Variants in REV1 observed in about 807,000 individuals in gnomAD.
The protein encoded by REV1 is REV1 DNA directed polymerase, also known as translesion synthesis protein REV1.
Under a neutral mutation model 137.4 loss-of-function variants are expected in REV1, and 42 were observed. The observed-to-expected ratio is 0.31, with a 90% CI of 0.24 to 0.40. REV1 has a LOEUF of 0.40. Ranked by LOEUF, REV1 falls within the 10% of genes least tolerant of loss-of-function variation. REV1 has a pLI of 1.00. For missense variants in REV1, 1,282 were observed against 1,490.1 expected (o/e 0.86, Z 2.30); for synonymous variants, 524 against 519.2 (o/e 1.01, Z -0.12).
chr2:99,425,973 T>G (rs1247811930), intron 9 of REV1, among the ~76,000 whole-genome samples: 1 of 151,276 alleles, frequency 6.6e-6, no homozygotes, highest in Non-Finnish European at 1.5e-5. Flanking sequence ...AGGGTGGAGG[T>G]TGCAGTGAGC....
Position 99,434,463 on chromosome 2 carries a change from T to C in REV1, c.1322-15A>G. 2.6e-6 allele frequency: 4 copies of C among 1,559,920 alleles called. No individual in the cohort carries two copies. Among genetic ancestry groups the C allele is most frequent in the African/African-American group, 1.4e-5 (1 of 72,936 alleles). On this transcript the variant is annotated splice_polypyrimidine_tract_variant and intron_variant, in intron 7 of 22. Coordinates refer to ENST00000258428, the MANE Select transcript of REV1 (RefSeq NM_016316.4). Reference sequence around the variant, plus strand: ...CACTGGTTTTCCTGTGAGGAAAATATTAAATTATTTCTGTATGTGGTACAG... The same window carrying C: ...CACTGGTTTTCCTGTGAGGAAAATACTAAATTATTTCTGTATGTGGTACAG...
chr2:99,481,855 T>TA (rs1686644509), intron 1 of REV1, among the ~76,000 whole-genome samples: 2 of 152,196 alleles, frequency 1.3e-5, no homozygotes, highest in South Asian at 4.1e-4. Flanking sequence ...ACCCCGTCCC[T>TA]AAAAAAACAA....
Position 99,416,692 on chromosome 2 carries a change from C to T in REV1, c.1951+2136G>A, listed in dbSNP as rs780930698. Among the ~76,000 whole-genome samples, 5 of 151,954 alleles carry T rather than the reference C, an allele frequency of 3.3e-5. No individual in the cohort carries two copies. The East Asian group carries it at 7.8e-4, about 24-fold the overall frequency. On this transcript the variant is annotated intron_variant, in intron 12 of 22. Transcript: ENST00000258428. Reference sequence around the variant, plus strand: ...CTATAATCCCAGCACTTTGGGAGGCCGAGGCGGGCGGATCATGAGGTCAGG... The same window carrying T: ...CTATAATCCCAGCACTTTGGGAGGCTGAGGCGGGCGGATCATGAGGTCAGG...
intron 12 of REV1, among the ~76,000 whole-genome samples, chr2:99,417,332 C>G (rs6714650): frequency 0.26 from 39,350 of 151,848 alleles, 5,253 homozygotes; most frequent in Admixed American, 0.34. Context: ...CTAGTAGAGA[C>G]AGGGTTTCAC....
chr2:99,432,485 T>G (rs1429708867), intron 8 of REV1, among the ~76,000 whole-genome samples: 1 of 152,204 alleles, frequency 6.6e-6, no homozygotes, highest in Non-Finnish European at 1.5e-5. Flanking sequence ...AAAAAAGTTC[T>G]GAGCACAAGC....
chr2:99,422,181 T>C (rs1678771528), intron 10 of REV1, among the ~76,000 whole-genome samples: 1 of 152,206 alleles, frequency 6.6e-6, no homozygotes, highest in Non-Finnish European at 1.5e-5. Context: ...TGGCCAGTCA[T>C]CCCAACTGCT....
Position 99,404,551 on chromosome 2 carries a change from C to T in REV1, c.2938G>A (p.Gly980Arg), listed in dbSNP as rs556114424. The change falls in exon 18 of 23, where the codon GGA becomes AGA. Residue 980 changes from glycine to arginine, a missense_variant. By Grantham distance (125) the Gly-to-Arg change is moderately radical. Coordinates refer to ENST00000258428, the MANE Select transcript of REV1 (RefSeq NM_016316.4). Reference protein sequence around the residue: ...KKEPVNGCNTGILPQPVGTVL... With the variant: ...KKEPVNGCNTRILPQPVGTVL... ...GTCCCAACTGGTTGTGGCAAAATTCCTGTATTACAGCCATTTACTGGTTCT... is the reference window on the plus strand; with the variant it reads ...GTCCCAACTGGTTGTGGCAAAATTCTTGTATTACAGCCATTTACTGGTTCT... The T allele has an allele frequency of 2.1e-5, 34 of 1,614,124 alleles. No homozygotes were observed. In the South Asian group the frequency reaches 3.6e-4, roughly 17 times the overall value.
chr2:99,462,349 AAG>A (rs1056505117), intron 3 of REV1, 145 bp downstream of exon 3: 6 of 746,802 alleles, frequency 8.0e-6, no homozygotes, highest in Non-Finnish European at 1.0e-5. Flanking sequence ...GGAAAGGAAA[AAG>A]AAGTATCTAA....
intron 3 of REV1, among the ~76,000 whole-genome samples, chr2:99,453,078 T>A (rs1374816448): frequency 6.6e-6 from 1 of 152,110 alleles, no homozygotes; most frequent in African/African-American, 2.4e-5. Context: ...AAAAATTATG[T>A]GGCCAGGTGC....
chr2:99,435,948 G>A lies in REV1; in HGVS notation c.1214-7C>T. 6.7e-7 allele frequency: 1 copy of A among 1,484,922 alleles called. No homozygotes were observed. The highest frequency in any genetic ancestry group is 9.4e-7 in the Non-Finnish European group (1 of 1,067,244). The allele number at this position is 1,484,922 out of a possible 1,614,324, so 92.0% of individuals were successfully genotyped here. A position where few individuals can be genotyped will look rare whatever the true frequency, so the allele number is the denominator to read the frequency against. On this transcript the variant is annotated splice_polypyrimidine_tract_variant and splice_region_variant and intron_variant, in intron 6 of 22. Transcript: ENST00000258428. Reference sequence around the variant, plus strand: ...TTCAATACTGACATATCTCCTAGAAGGAAAAAGACAGCATTCAAACCCCAA... The same window carrying A: ...TTCAATACTGACATATCTCCTAGAAAGAAAAAGACAGCATTCAAACCCCAA...
At chr2:99,410,165 C>T (rs1053372672) in intron 14 of REV1, among the ~76,000 whole-genome samples, 1 of 152,192 alleles carries the variant, frequency 6.6e-6, no homozygotes, top group Admixed American at 6.5e-5. Context: ...CGAATGCCAC[C>T]ATGTCCGGCT....
chr2:99,471,631 G>A (rs578237069), intron 1 of REV1, among the ~76,000 whole-genome samples: 1 of 151,858 alleles, frequency 6.6e-6, no homozygotes, highest in South Asian at 2.1e-4. Flanking sequence ...CCACAGAATG[G>A]GAGAAAATAT....
In REV1 at chr2:99,449,690, C is replaced by A. The variant is rs191272973; in HGVS notation, c.182-186G>T. ...GAAAGCTATGTTGCTTTTAGTACATCCCCCTTCCCTGGCTGCCAGACAACC... is the reference window on the plus strand; with the variant it reads ...GAAAGCTATGTTGCTTTTAGTACATACCCCTTCCCTGGCTGCCAGACAACC... On this transcript the variant is annotated intron_variant, in intron 3 of 22. Transcript: ENST00000258428. Among the ~76,000 whole-genome samples the A allele has an allele frequency of 2.3e-3, 348 of 152,276 alleles. 5 individuals are homozygous for A. Among genetic ancestry groups the A allele is most frequent in the African/African-American group, 8.2e-3 (339 of 41,544 alleles).
chr2:99,409,511 A>G (rs1676801566), intron 14 of REV1, among the ~76,000 whole-genome samples: 1 of 152,184 alleles, frequency 6.6e-6, no homozygotes, highest in Non-Finnish European at 1.5e-5. Flanking sequence ...CGAATCTTAC[A>G]TGAAGTTTAA....
chr2:99,440,203 G>C (rs965183433), intron 5 of REV1, among the ~76,000 whole-genome samples: 5 of 152,138 alleles, frequency 3.3e-5, no homozygotes, highest in Non-Finnish European at 7.4e-5. Flanking sequence ...CTAGACGTTT[G>C]TTTAGAAATG....
At chr2:99,402,428 G>T in intron 21 of REV1, 82 bp from the exon 22 acceptor site, 1 of 817,346 alleles carries the variant, frequency 1.2e-6, no homozygotes. Context: ...AAGGAAAACT[G>T]CATTTCTACA....
At chr2:99,429,713 A>T in intron 9 of REV1, 127 bp downstream of exon 9, 1 of 521,498 alleles carries the variant, frequency 1.9e-6, no homozygotes, top group Non-Finnish European at 3.1e-6. Context: ...TGAGATGATT[A>T]AGGCTAAAAC....
chr2:99,471,887 A>C (rs1279848583), intron 1 of REV1, among the ~76,000 whole-genome samples: 2 of 145,940 alleles, frequency 1.4e-5, no homozygotes, highest in Non-Finnish European at 3.0e-5. Context: ...GATAGCTACT[A>C]TTAAAAAAAA....
At chr2:99,454,550 C>CAAAAAAAAAAAAAA (rs373850478) in intron 3 of REV1, among the ~76,000 whole-genome samples, 20 of 82,364 alleles carry the variant, frequency 2.4e-4, no homozygotes, top group African/African-American at 4.9e-4. Flanking sequence ...AACTCCAGCT[C>CAAAAAAAAAAAAAA]AAAAAAAAAA....
Sources: gnomAD v4.1 joint callset for allele counts (sites outside exome capture counted in the v4.1 genomes callset) on GRCh38, gnomAD v4.1.1 for gene constraint, MANE v1.5 for transcripts, NCBI Gene and HGNC (gene_info 2026-07-23, HGNC 2026-07-21) for gene names.